SYNPO2L: variants seen among roughly 807,000 people sequenced by gnomAD.
SYNPO2L encodes synaptopodin 2-like protein.
Under a neutral mutation model 47.5 loss-of-function variants are expected in SYNPO2L, and 34 were observed. The observed-to-expected ratio is 0.72, with a 90% confidence interval of 0.54 to 0.95. The LOEUF (loss-of-function observed/expected upper bound fraction) is 0.95, where lower values mean the gene tolerates loss of function less well. Ranked by LOEUF, SYNPO2L falls within the 40% of genes least tolerant of loss-of-function variation. SYNPO2L has a pLI of 0.00. For missense variants in SYNPO2L, 1,246 were observed against 1,282.0 expected, an observed-to-expected ratio of 0.97 and a Z score of 0.43; for synonymous variants, 536 against 524.9, an observed-to-expected ratio of 1.02 and a Z score of -0.29.
At chr10:73,649,394 T>G (rs748677010) in intron 3 of SYNPO2L, among the ~76,000 whole-genome samples, 4 of 152,306 alleles carry the variant, frequency 2.6e-5, no homozygotes, top group South Asian at 4.1e-4. Flanking sequence ...CCCTATGATA[T>G]GAGCACAAAG....
Position 73,653,242 on chromosome 10 carries a change from G to A in SYNPO2L, c.669C>T (p.Gly223=), listed in dbSNP as rs1268374883. The change falls in exon 3 of 4, where the codon GGC becomes GGT. Residue 223 remains glycine, a synonymous_variant. Transcript: ENST00000394810. ...PPAEALLLPH[G]PLRPGPHLIP... is the part of the protein sequence containing the mutation. ...TGAGATGAGGACCAGGTCGGAGGGG[G>A]CCATGGGGTAACAGCAGAGCCTCAG... 1.3e-6 allele frequency: 2 copies of A among 1,538,950 alleles called. No individual in the cohort carries two copies. The highest frequency in any genetic ancestry group is 1.8e-6 in the Non-Finnish European group (2 of 1,140,054).
At chr10:73,650,675 A>T (rs1401254211) in intron 3 of SYNPO2L, 1 of 985,120 alleles carries the variant, frequency 1.0e-6, no homozygotes. Context: ...ATGTACTCAC[A>T]CACGCTCTGT....
At chr10:73,650,586 T>A (rs1434967870) in intron 3 of SYNPO2L, 2 of 712,698 alleles carry the variant, frequency 2.8e-6, no homozygotes, top group East Asian at 2.6e-4. Flanking sequence ...CACTATACTT[T>A]CTTGATATAT....
chr10:73,648,625 C>A lies in SYNPO2L; in HGVS notation c.1027G>T (p.Ala343Ser), dbSNP rs775956196. 4 of 1,613,792 alleles carry A rather than the reference C, an allele frequency of 2.5e-6. No homozygotes were observed. The Admixed American group carries it at 6.7e-5, about 27-fold the overall frequency. The change falls in exon 4 of 4, where the codon GCC becomes TCC. Residue 343 changes from alanine (A) to serine (S), a missense_variant. Around this residue, in one of 3 missense-constraint regions of SYNPO2L, gnomAD observed 1,037 missense variants for 1,021.5 expected, o/e 1.02. Transcript: ENST00000394810. ...SELDEEAFSD[A>S]RSLTNQSDWD... ...TCAGATTGATTGGTGAGGCTGCGGG[C>A]GTCAGAGAAGGCTTCTTCGTCCAGC...
In SYNPO2L at chr10:73,648,894, A is replaced by G. The variant is rs1186219015; in HGVS notation, c.773-15T>C. Reference sequence around the variant, plus strand: ...ACGTTGCAGTTCTGGGGAGGCCAAGAGGTAAAATGGTCAGGGGGGCTTCCC... The same window carrying G: ...ACGTTGCAGTTCTGGGGAGGCCAAGGGGTAAAATGGTCAGGGGGGCTTCCC... On this transcript the variant is annotated splice_polypyrimidine_tract_variant and intron_variant, in intron 3 of 3. Transcript: ENST00000394810. The G allele has an allele frequency of 3.3e-6, 5 of 1,494,424 alleles. No homozygotes were observed. The African/African-American group carries it at 7.0e-5, about 21-fold the overall frequency. 92.6% of individuals were successfully genotyped at this position (1,494,424 alleles called of 1,614,324 possible). A position where few individuals can be genotyped will look rare whatever the true frequency, so the allele number is the denominator to read the frequency against.
In SYNPO2L at chr10:73,646,046, G is replaced by A. The variant is rs142904487; in HGVS notation, c.*672C>T. 1,917 of 965,910 alleles carry A rather than the reference G, an allele frequency of 2.0e-3. 20 individuals are homozygous for A. In the African/African-American group the frequency reaches 0.03, roughly 15 times the overall value. 59.8% of individuals were successfully genotyped at this position (965,910 alleles called of 1,614,324 possible). The stretch of plus-strand genomic sequence containing the variant: ...TCACCGTGTTAGCCAGGATGGTCTC[G>A]ATCTCCTGACCTCGTGATCCGCCCG... On this transcript the variant is annotated 3_prime_UTR_variant, in exon 4 of 4. Transcript: ENST00000394810.
Position 73,645,384 on chromosome 10 carries a change from C to T in SYNPO2L, c.*1334G>A, listed in dbSNP as rs373369032. 12 of 1,018,048 alleles carry T rather than the reference C, an allele frequency of 1.2e-5. No individual in the cohort carries two copies. In the African/African-American group the frequency reaches 1.2e-4, roughly 10 times the overall value. The allele number at this position is 1,018,048 out of a possible 1,614,324, so 63.1% of individuals were successfully genotyped here. On this transcript the variant is annotated 3_prime_UTR_variant, in exon 4 of 4. Coordinates refer to ENST00000394810, the MANE Select transcript of SYNPO2L (RefSeq NM_001114133.3). The stretch of plus-strand genomic sequence containing the variant: ...CCTCGCCACACTTCTGTCTGTGGCT[C>T]AATCACTTACACTCATTTCTGCCAT...
At chr10:73,655,004 G>A (rs576835305) in intron 1 of SYNPO2L, among the ~76,000 whole-genome samples, 10 of 152,300 alleles carry the variant, frequency 6.6e-5, no homozygotes, top group African/African-American at 2.4e-4. Flanking sequence ...GTTGGAGGGA[G>A]TCCAGCGGTA....
In SYNPO2L at chr10:73,654,453, T is replaced by C. The variant is rs369656895; in HGVS notation, c.106-173A>G. Reference sequence around the variant, plus strand: ...TGGCCTGTCTAGAGGGAAGAAAGTATACAGACTGGAGAAAGAAATACATCA... The same window carrying C: ...TGGCCTGTCTAGAGGGAAGAAAGTACACAGACTGGAGAAAGAAATACATCA... On this transcript the variant is annotated intron_variant, in intron 1 of 3. Transcript: ENST00000394810. The C allele has an allele frequency of 6.4e-5, 45 of 705,876 alleles. No homozygotes were observed. The African/African-American group carries it at 7.5e-4, about 12-fold the overall frequency. The allele number at this position is 705,876 out of a possible 1,614,324, so 43.7% of individuals were successfully genotyped here.
In SYNPO2L at chr10:73,647,614, C is replaced by G. The variant is rs866590356; in HGVS notation, c.2038G>C (p.Gly680Arg). The G allele has an allele frequency of 1.9e-6, 3 of 1,614,110 alleles. No individual in the cohort carries two copies. The highest frequency in any genetic ancestry group is 1.1e-5 in the South Asian group (1 of 91,084). The part of the protein sequence containing the change: ...SGPEEDALSL[G>R]AEACNFMQPV... ...TGCATGAAGTTGCAGGCTTCAGCCCCGAGGCTCAGAGCATCTTCTTCAGGA... is the reference window on the plus strand; with the variant it reads ...TGCATGAAGTTGCAGGCTTCAGCCCGGAGGCTCAGAGCATCTTCTTCAGGA... The change falls in exon 4 of 4, where the codon GGG becomes CGG. Residue 680 changes from glycine to arginine, a missense_variant. By Grantham distance (125) the Gly-to-Arg change is moderately radical. Transcript: ENST00000394810.
At position 73,653,402 on chromosome 10, in the gene SYNPO2L, G is replaced by A. The variant is rs771805186; in HGVS notation, c.509C>T (p.Ala170Val). ...RGPTRPTPPG[A>V]PPDEVYLSDS... ...AGACAGGTAGACCTCATCAGGTGGG[G>A]CACCCGGAGGGGTGGGCCTTGTGGG... Residue 170 changes from alanine (A) to valine (V), a missense_variant, in exon 3 of 4, where the codon GCC becomes GTC. Transcript: ENST00000394810. 39 of 1,551,410 alleles carry A rather than the reference G, an allele frequency of 2.5e-5. No homozygotes were observed. The highest frequency in any genetic ancestry group is 3.1e-5 in the Non-Finnish European group (35 of 1,146,938).
At chr10:73,651,968 G>A (rs1051095030) in intron 3 of SYNPO2L, among the ~76,000 whole-genome samples, 4 of 149,700 alleles carry the variant, frequency 2.7e-5, no homozygotes, top group African/African-American at 7.4e-5. Context: ...CCAGCTACTC[G>A]GGAGGCTGAG....
chr10:73,653,564 C>T lies in SYNPO2L; in HGVS notation c.347G>A (p.Gly116Asp). 6.4e-7 allele frequency: 1 copy of T among 1,552,106 alleles called. No homozygotes were observed. The highest frequency in any genetic ancestry group is 8.7e-7 in the Non-Finnish European group (1 of 1,147,082). Residue 116 changes from glycine (G) to aspartate (D), a missense_variant, in exon 3 of 4, where the codon GGT (glycine) becomes GAT (aspartate). By Grantham distance (94) the Gly-to-Asp change is moderately conservative. This residue lies in a region of SYNPO2L where 148 missense variants were observed against 204.8 expected (regional missense o/e 0.72). Coordinates refer to ENST00000394810, the MANE Select transcript of SYNPO2L (RefSeq NM_001114133.3). ...PLSPLSPEPPGAPVPQPLQPG... is the reference protein window; with the variant it reads ...PLSPLSPEPPDAPVPQPLQPG... ...CTGAAGAGGCTGAGGAACTGGAGCA[C>T]CAGGGGGCTCAGGACTTAGTGGAGA...
chr10:73,650,902 T>C (rs766627827), intron 3 of SYNPO2L: 1 of 1,609,098 alleles, frequency 6.2e-7, no homozygotes, highest in South Asian at 1.1e-5. Flanking sequence ...TATGGGAGGG[T>C]AGTACCTGCA....
In SYNPO2L at chr10:73,655,908, C is replaced by T. The variant is rs986413936; in HGVS notation, c.15G>A (p.Glu5=). 2 of 1,551,054 alleles carry T rather than the reference C, an allele frequency of 1.3e-6. No homozygotes were observed. Among genetic ancestry groups the T allele is most frequent in the Non-Finnish European group, 8.7e-7 (1 of 1,146,812 alleles). The change falls in exon 1 of 4, where the codon GAG becomes GAA. Residue 5 remains glutamate (E), a synonymous_variant. Transcript: ENST00000394810. ...CCCCTGATAGTGTGACCAGCACCTC[C>T]TCCTCAGCACCCATCGCTCAGCTTG... MGAE[E]EVLVTLSGGA... is the part of the protein sequence containing the mutation.
intron 3 of SYNPO2L, chr10:73,650,984 G>A (rs1589454444): frequency 6.2e-7 from 1 of 1,613,748 alleles, no homozygotes; most frequent in East Asian, 2.2e-5. Flanking sequence ...GGGGCTCTTG[G>A]CTGATGGGCT....
rs115251193 is a variant in SYNPO2L at position 73,645,383 on chromosome 10, T to G, written c.*1335A>C. 3.0e-4 allele frequency: 308 copies of G among 1,019,708 alleles called. 2 individuals carry two copies. The African/African-American group carries it at 4.4e-3, about 15-fold the overall frequency. The allele number at this position is 1,019,708 out of a possible 1,614,324, so 63.2% of individuals were successfully genotyped here. On this transcript the variant is annotated 3_prime_UTR_variant, in exon 4 of 4. Transcript: ENST00000394810. ...CCCTCGCCACACTTCTGTCTGTGGC[T>G]CAATCACTTACACTCATTTCTGCCA... is the stretch of plus-strand genomic sequence containing the variant.
chr10:73,654,211 C>A lies in SYNPO2L; in HGVS notation c.175G>T (p.Val59Phe). ...ERDQLLAING[V>F]SCTNLSHASA... ...GCATGGGAGAGGTTGGTGCAAGAGA[C>A]CCCATTGATTGCCAAGAGCTGGTCC... The change falls in exon 2 of 4, where the codon GTC (valine) becomes TTC (phenylalanine). Residue 59 changes from valine (V) to phenylalanine (F), a missense_variant. By Grantham distance (50) the Val-to-Phe change is conservative. Coordinates refer to ENST00000394810, the MANE Select transcript of SYNPO2L (RefSeq NM_001114133.3). 6.4e-7 allele frequency: 1 copy of A among 1,551,576 alleles called. No individual in the cohort carries two copies.
rs2081800205 is a variant in SYNPO2L, at chr10:73,648,349, G to A, written c.1303C>T (p.Leu435Phe). 1 of 1,604,896 alleles carries A rather than the reference G, an allele frequency of 6.2e-7. No individual in the cohort carries two copies. Among genetic ancestry groups the A allele is most frequent in the Non-Finnish European group, 8.5e-7 (1 of 1,178,796 alleles). The change falls in exon 4 of 4, where the codon CTC becomes TTC. Residue 435 changes from leucine to phenylalanine, a missense_variant. Around this residue, in one of 3 missense-constraint regions of SYNPO2L, gnomAD observed 1,037 missense variants for 1,021.5 expected, o/e 1.02. Transcript: ENST00000394810. ...GGCGCCGGCAAGGGGCTGGGTGGGAGCACAGCTGCCTCTGGGGGAGCACTC... is the reference window on the plus strand; with the variant it reads ...GGCGCCGGCAAGGGGCTGGGTGGGAACACAGCTGCCTCTGGGGGAGCACTC... ...AQSAPPEAAV[L>F]PPSPLPAPVA... is the part of the protein sequence containing the mutation.
Sources: allele counts gnomAD v4.1 joint callset (sites outside exome capture counted in the v4.1 genomes callset), GRCh38; gene constraint gnomAD v4.1.1; regional missense constraint gnomAD v4.1.1; transcripts MANE v1.5; gene names NCBI Gene and HGNC (gene_info 2026-07-23, HGNC 2026-07-21).